Variants in MEGF11 observed in about 807,000 individuals in gnomAD.
The protein encoded by MEGF11 is multiple EGF like domains 11, also known as multiple epidermal growth factor-like domains protein 11.
A neutral mutation model predicts 146.6 loss-of-function variants in MEGF11; 126 were observed. The ratio of observed to expected loss-of-function variants is 0.86; its 90% CI spans 0.74 to 1.00. MEGF11 has a LOEUF of 1.00. MEGF11 is among the 50% of genes least tolerant of loss of function. The pLI, the probability that MEGF11 is intolerant of heterozygous loss-of-function variation, is 0.00. For synonymous variants in MEGF11, 532 were observed against 583.4 expected, an observed-to-expected ratio of 0.91 and a Z score of 1.27; for missense variants, 1,509 against 1,521.2, an observed-to-expected ratio of 0.99 and a Z score of 0.13.
intron 2 of MEGF11, among the ~76,000 whole-genome samples, chr15:66,124,961 G>A (rs528737839): frequency 6.6e-6 from 1 of 152,240 alleles, no homozygotes; most frequent in Non-Finnish European, 1.5e-5. Flanking sequence ...TTCCCAGAAG[G>A]CTCACTGACC....
intron 4 of MEGF11, among the ~76,000 whole-genome samples, chr15:66,106,371 G>C (rs1401729447): frequency 6.6e-6 from 1 of 152,144 alleles, no homozygotes; most frequent in Non-Finnish European, 1.5e-5. Flanking sequence ...CACATGTGTA[G>C]GGGGAGCATT....
chr15:65,966,917 G>A (rs1359642532), intron 8 of MEGF11, among the ~76,000 whole-genome samples: 4 of 151,794 alleles, frequency 2.6e-5, no homozygotes, highest in East Asian at 3.8e-4. Flanking sequence ...AACTAGATCC[G>A]GATAAGTCAA....
chr15:66,155,366 C>G (rs1455119650), intron 1 of MEGF11, among the ~76,000 whole-genome samples: 1 of 152,142 alleles, frequency 6.6e-6, no homozygotes, highest in Non-Finnish European at 1.5e-5. Flanking sequence ...AGGAAAGAGG[C>G]CGGGTGAACC....
At chr15:66,124,048 T>C (rs1477849500) in intron 2 of MEGF11, 48 bp from the exon 3 acceptor site, 1 of 1,460,118 alleles carries the variant, frequency 6.8e-7, no homozygotes, top group East Asian at 2.3e-5. Flanking sequence ...CTTGGGAAGC[T>C]GAGCTGATAT....
chr15:66,218,282 T>A (rs1278551723), intron 1 of MEGF11, among the ~76,000 whole-genome samples: 1 of 152,114 alleles, frequency 6.6e-6, no homozygotes, highest in Non-Finnish European at 1.5e-5. Context: ...AGACACTTGG[T>A]TGAATTAAGC....
chr15:66,205,062 TAC>T (rs2091265962), intron 1 of MEGF11, among the ~76,000 whole-genome samples: 1 of 146,920 alleles, frequency 6.8e-6, no homozygotes, highest in African/African-American at 2.5e-5. Context: ...AATAGGAGCA[TAC>T]ACAAAAAACA....
At chr15:66,091,135 C>T (rs183067357) in intron 5 of MEGF11, among the ~76,000 whole-genome samples, 4 of 152,102 alleles carry the variant, frequency 2.6e-5, no homozygotes, top group Admixed American at 2.6e-4. Flanking sequence ...ACATATAGAC[C>T]CCACTCAGTG....
intron 10 of MEGF11, among the ~76,000 whole-genome samples, chr15:65,948,943 T>A (rs1281939670): frequency 6.6e-6 from 1 of 152,210 alleles, no homozygotes; most frequent in Non-Finnish European, 1.5e-5. Context: ...TTCCCGGTGC[T>A]GCATTCAGGA....
intron 5 of MEGF11, among the ~76,000 whole-genome samples, chr15:66,034,259 T>A (rs2083641302): frequency 6.6e-6 from 1 of 152,232 alleles, no homozygotes; most frequent in Admixed American, 6.5e-5. Context: ...GTCTCACCCA[T>A]ATCTGATTCA....
chr15:66,051,812 C>T (rs548609905), intron 5 of MEGF11, among the ~76,000 whole-genome samples: 2 of 152,314 alleles, frequency 1.3e-5, no homozygotes, highest in Admixed American at 6.5e-5. Context: ...GGCACCTGTT[C>T]GTTCAGGTGC....
intron 17 of MEGF11, 130 bp downstream of exon 17, chr15:65,916,698 G>T (rs1254005371): frequency 6.8e-7 from 1 of 1,461,570 alleles, no homozygotes; most frequent in Admixed American, 2.0e-5. Context: ...CGTGGGGCAG[G>T]AGTCAGGTAC....
chr15:66,213,952 G>T (rs1301387082), intron 1 of MEGF11, among the ~76,000 whole-genome samples: 1 of 151,290 alleles, frequency 6.6e-6, no homozygotes, highest in African/African-American at 2.4e-5. Flanking sequence ...CTACCCCTTG[G>T]TAAGGATATG....
intron 1 of MEGF11, among the ~76,000 whole-genome samples, chr15:66,141,604 C>T (rs1419761709): frequency 6.6e-6 from 1 of 151,888 alleles, no homozygotes; most frequent in African/African-American, 2.4e-5. Flanking sequence ...GATGGTACAT[C>T]CTAGATGCAC....
intron 1 of MEGF11, among the ~76,000 whole-genome samples, chr15:66,129,041 CA>C: frequency 6.6e-6 from 1 of 152,308 alleles, no homozygotes; most frequent in South Asian, 2.1e-4. Context: ...TGAGGGATGC[CA>C]GGCCTAGACC....
chr15:66,097,856 C>T (rs564935521), intron 4 of MEGF11, among the ~76,000 whole-genome samples: 8 of 152,222 alleles, frequency 5.3e-5, no homozygotes, highest in Admixed American at 2.6e-4. Context: ...AAAGCCTGCT[C>T]GCACAGGGTA....
intron 1 of MEGF11, among the ~76,000 whole-genome samples, chr15:66,202,503 G>T (rs892471998): frequency 2.0e-5 from 3 of 152,176 alleles, no homozygotes; most frequent in South Asian, 2.1e-4. Flanking sequence ...GCTGCAGCTG[G>T]CCTGGCAGTC....
intron 1 of MEGF11, among the ~76,000 whole-genome samples, chr15:66,217,595 C>A (rs1050262084): frequency 5.9e-5 from 9 of 152,202 alleles, no homozygotes; most frequent in African/African-American, 1.9e-4. Flanking sequence ...AAGTACCTGG[C>A]CAGGGGATTA....
chr15:66,098,192 C>A (rs139973303), intron 4 of MEGF11, among the ~76,000 whole-genome samples: 1 of 152,196 alleles, frequency 6.6e-6, no homozygotes, highest in Non-Finnish European at 1.5e-5. Context: ...ATAAGCAGGC[C>A]GGGACCCAGG....
chr15:65,958,538 G>A (rs1337631404), intron 9 of MEGF11, among the ~76,000 whole-genome samples: 2 of 152,192 alleles, frequency 1.3e-5, no homozygotes, highest in African/African-American at 4.8e-5. Context: ...GAAATCCAGA[G>A]GCCACATTTC....
Sources: gnomAD v4.1 joint callset for allele counts (sites outside exome capture counted in the v4.1 genomes callset) on GRCh38, gnomAD v4.1.1 for gene constraint, MANE v1.5 for transcripts, NCBI Gene and HGNC (gene_info 2026-07-23, HGNC 2026-07-21) for gene names.